The following RABGAP1L variants were observed in gnomAD, a reference collection of about 807,000 sequenced individuals.
RABGAP1L encodes RAB GTPase activating protein 1 like.
Under a neutral mutation model 137.7 loss-of-function variants are expected in RABGAP1L, and 63 were observed. That is an observed-to-expected ratio of 0.46 (90% CI 0.37 to 0.56). RABGAP1L has a LOEUF of 0.56. RABGAP1L is among the 20% of genes least tolerant of loss of function. RABGAP1L has a pLI of 0.00. For synonymous variants in RABGAP1L, 431 were observed against 433.7 expected (o/e 0.99, Z 0.08); for missense variants, 1,095 against 1,244.0 (o/e 0.88, Z 1.80).
At chr1:174,363,326 CA>C (rs773661292) in intron 11 of RABGAP1L, among the ~76,000 whole-genome samples, 3 of 152,158 alleles carry the variant, frequency 2.0e-5, no homozygotes, top group South Asian at 2.1e-4. Context: ...TGAAGAATGT[CA>C]ATGGTAGTTT....
chr1:174,820,920 G>A lies in RABGAP1L; in HGVS notation c.2340+8960G>A, dbSNP rs140166704. On this transcript the variant is annotated intron_variant, in intron 19 of 25. Coordinates refer to ENST00000681986, the MANE Select transcript of RABGAP1L (RefSeq NM_001366446.1). ...TAATCCTAGCTACTCAGGAGGCTGAGGCGTGGGAATTGCTGGAGTCCGGGA... is the reference window on the plus strand; with the variant it reads ...TAATCCTAGCTACTCAGGAGGCTGAAGCGTGGGAATTGCTGGAGTCCGGGA... Among the ~76,000 whole-genome samples the A allele has an allele frequency of 5.3e-3, 808 of 152,106 alleles. 9 individuals carry two copies. Among genetic ancestry groups the A allele is most frequent in the African/African-American group, 0.017 (725 of 41,480 alleles).
At chr1:174,211,788 A>T (rs1244208927) in intron 1 of RABGAP1L, among the ~76,000 whole-genome samples, 1 of 152,156 alleles carries the variant, frequency 6.6e-6, no homozygotes, top group African/African-American at 2.4e-5. Flanking sequence ...ATGGAAAAAG[A>T]TATTCCATGT....
chr1:174,410,871 A>G (rs1007597532), intron 13 of RABGAP1L, among the ~76,000 whole-genome samples: 2 of 152,136 alleles, frequency 1.3e-5, no homozygotes, highest in African/African-American at 4.8e-5. Context: ...CCAATCCATG[A>G]TCGTGGAATT....
At chr1:174,392,434 A>G (rs2149079805) in intron 12 of RABGAP1L, among the ~76,000 whole-genome samples, 1 of 152,340 alleles carries the variant, frequency 6.6e-6, no homozygotes, top group African/African-American at 2.4e-5. Context: ...AAGGTATGGT[A>G]GCACGTTAAG....
intron 19 of RABGAP1L, among the ~76,000 whole-genome samples, chr1:174,942,070 G>C (rs1016949976): frequency 6.6e-6 from 1 of 152,214 alleles, no homozygotes; most frequent in African/African-American, 2.4e-5. Flanking sequence ...GGGAGCCAAT[G>C]TGTGAGTTCT....
chr1:174,441,644 G>C (rs1449908224), intron 13 of RABGAP1L, among the ~76,000 whole-genome samples: 1 of 152,152 alleles, frequency 6.6e-6, no homozygotes, highest in Admixed American at 6.6e-5. Context: ...TGAAGCAGGA[G>C]AATTGCTTGA....
Position 174,725,533 on chromosome 1 carries a change from C to T in RABGAP1L, c.2169+23277C>T, listed in dbSNP as rs76359370. 3.8e-3 allele frequency among the ~76,000 whole-genome samples: 584 copies of T among 152,226 alleles called. 6 individuals carry two copies. The highest frequency in any genetic ancestry group is 0.014 in the African/African-American group (566 of 41,548). On this transcript the variant is annotated intron_variant, in intron 17 of 25. Coordinates refer to ENST00000681986, the MANE Select transcript of RABGAP1L (RefSeq NM_001366446.1). ...AGTGGAATTATAAACTGAAAGAATT[C>T]ATGTATAACTTTTGCCTCACTTTAC... is the stretch of plus-strand genomic sequence containing the variant.
intron 19 of RABGAP1L, chr1:174,850,045 C>T (rs1353127156): frequency 7.0e-6 from 4 of 571,590 alleles, no homozygotes; most frequent in South Asian, 1.4e-5. Flanking sequence ...CTAATCTGCT[C>T]TTGCAGGAGG....
chr1:174,284,470 G>GTATA (rs1205702697), intron 10 of RABGAP1L, among the ~76,000 whole-genome samples: 2 of 152,132 alleles, frequency 1.3e-5, no homozygotes, highest in Non-Finnish European at 2.9e-5. Flanking sequence ...AAGTATGTGT[G>GTATA]TATATATTCA....
chr1:174,475,772 TAAAAAAAAAA>T lies in RABGAP1L; in HGVS notation c.1710+81644_1710+81653del, dbSNP rs61597461. ...AGTGACAGACTGAGACCCCGTGTCT[TAAAAAAAAAA>T]AAAAAAAAAAAAAAAAGGTCAGATC... On this transcript the variant is annotated intron_variant, in intron 13 of 25. Coordinates refer to ENST00000681986, the MANE Select transcript of RABGAP1L (RefSeq NM_001366446.1). Among the ~76,000 whole-genome samples the T allele has an allele frequency of 1.2e-3, 84 of 69,936 alleles. 1 individual carries two copies. The East Asian group carries it at 0.018, about 15-fold the overall frequency. 45.9% of individuals were successfully genotyped at this position (69,936 alleles called of 152,430 possible).
intron 13 of RABGAP1L, among the ~76,000 whole-genome samples, chr1:174,630,030 T>C (rs554348792): frequency 6.6e-6 from 1 of 151,382 alleles, no homozygotes. Context: ...GGCTGTGGGT[T>C]TGTCATAGAT....
intron 13 of RABGAP1L, among the ~76,000 whole-genome samples, chr1:174,498,122 T>C (rs1389416830): frequency 6.6e-6 from 1 of 152,224 alleles, no homozygotes; most frequent in Non-Finnish European, 1.5e-5. Flanking sequence ...CCTTTAAGTT[T>C]TTTTTAGCTT....
At chr1:174,516,928 AAAATAAATAAATAAAT>A (rs147145926) in intron 13 of RABGAP1L, among the ~76,000 whole-genome samples, 35 of 141,138 alleles carry the variant, frequency 2.5e-4, no homozygotes, top group African/African-American at 7.1e-4. Context: ...CTCTGTCTCA[AAAATAAATAAATAAAT>A]AAATAAATAA....
intron 19 of RABGAP1L, among the ~76,000 whole-genome samples, chr1:174,859,393 G>C (rs568317429): frequency 4.6e-5 from 7 of 151,930 alleles, no homozygotes; most frequent in African/African-American, 1.7e-4. Flanking sequence ...TGAGGCAGGA[G>C]AATGGCATGA....
chr1:174,493,273 G>A (rs1660432570), intron 13 of RABGAP1L, among the ~76,000 whole-genome samples: 1 of 150,484 alleles, frequency 6.6e-6, no homozygotes, highest in African/African-American at 2.5e-5. Context: ...GAGGTGGGGA[G>A]GTGCTTGAGC....
At chr1:174,288,639 CTT>C (rs959733410) in intron 10 of RABGAP1L, among the ~76,000 whole-genome samples, 1 of 152,168 alleles carries the variant, frequency 6.6e-6, no homozygotes, top group Non-Finnish European at 1.5e-5. Flanking sequence ...ATAATTCTCT[CTT>C]TGTCTTTGAC....
chr1:174,656,322 G>T lies in RABGAP1L; in HGVS notation c.1824+18834G>T, dbSNP rs149722077. On this transcript the variant is annotated intron_variant, in intron 14 of 25. Coordinates refer to ENST00000681986, the MANE Select transcript of RABGAP1L (RefSeq NM_001366446.1). ...AAAATACAAAAATTATCCAGGCATA[G>T]TGGTGGGTGCCTGTAATCCCAGCTA... Among the ~76,000 whole-genome samples the T allele has an allele frequency of 8.7e-3, 1,325 of 152,284 alleles. 18 individuals carry two copies. Among genetic ancestry groups the T allele is most frequent in the African/African-American group, 0.031 (1,269 of 41,548 alleles).
At position 174,601,280 on chromosome 1, in the gene RABGAP1L, C is replaced by T. The variant is rs140088585; in HGVS notation, c.1711-36095C>T. On this transcript the variant is annotated intron_variant, in intron 13 of 25. Transcript: ENST00000681986. ...AGGCCTGTGATGGGAGGGGCTGCTG[C>T]GAAGGTCTCTGACATGGCCTGGAGA... is the stretch of plus-strand genomic sequence containing the variant. Among the ~76,000 whole-genome samples the T allele has an allele frequency of 9.5e-3, 1,445 of 152,304 alleles. 24 individuals are homozygous for T. The highest frequency in any genetic ancestry group is 0.033 in the African/African-American group (1,383 of 41,556).
chr1:174,342,738 GA>G (rs1682081390), intron 11 of RABGAP1L, among the ~76,000 whole-genome samples: 1 of 150,304 alleles, frequency 6.7e-6, no homozygotes, highest in African/African-American at 2.4e-5. Flanking sequence ...ATTCTCAGAA[GA>G]ATTTTTTTTT....
Sources: gnomAD v4.1 joint callset for allele counts (sites outside exome capture counted in the v4.1 genomes callset) on GRCh38, gnomAD v4.1.1 for gene constraint, MANE v1.5 for transcripts, NCBI Gene and HGNC (gene_info 2026-07-23, HGNC 2026-07-21) for gene names.